Variants in ZBTB20 observed in about 807,000 individuals in gnomAD.
The protein encoded by ZBTB20 is zinc finger and BTB domain containing 20, also known as zinc finger and BTB domain-containing protein 20.
A neutral mutation model predicts 56.9 loss-of-function variants in ZBTB20; 9 were observed. The observed-to-expected ratio is 0.16, with a 90% CI of 0.10 to 0.28. ZBTB20 has a LOEUF of 0.28. Among genes scored for constraint, ZBTB20 ranks in the 10% least tolerant of loss-of-function variants. The probability of loss-of-function intolerance (pLI) is 1.00; values close to 1 mark genes in which losing one functional copy is unlikely to be tolerated. For missense variants in ZBTB20, 655 were observed against 1,003.0 expected, an observed-to-expected ratio of 0.65 and a Z score of 4.69; for synonymous variants, 417 against 420.7, an observed-to-expected ratio of 0.99 and a Z score of 0.11.
intron 7 of ZBTB20, among the ~76,000 whole-genome samples, chr3:114,469,010 C>CAAAAAAAAA (rs1164804884): frequency 4.2e-4 from 28 of 66,824 alleles, no homozygotes; most frequent in Non-Finnish European, 4.6e-4. Context: ...TCAAGAGAAG[C>CAAAAAAAAA]AAAAAAAAAA....
chr3:114,767,929 G>A (rs2068898468), intron 5 of ZBTB20, among the ~76,000 whole-genome samples: 1 of 152,032 alleles, frequency 6.6e-6, no homozygotes, highest in African/African-American at 2.4e-5. Flanking sequence ...AAGGGGTGGG[G>A]AGAAAGAAAA....
At chr3:114,501,772 G>A (rs2044017333) in intron 6 of ZBTB20, among the ~76,000 whole-genome samples, 1 of 139,644 alleles carries the variant, frequency 7.2e-6, no homozygotes, top group Admixed American at 7.3e-5. Context: ...GCAGTGGCAC[G>A]ATCTTGGCTC....
intron 2 of ZBTB20, among the ~76,000 whole-genome samples, chr3:115,014,428 T>C (rs930911826): frequency 2.0e-5 from 3 of 151,766 alleles, no homozygotes; most frequent in Admixed American, 2.0e-4. Flanking sequence ...TTGGATTGTT[T>C]GTACTACAAA....
intron 5 of ZBTB20, among the ~76,000 whole-genome samples, chr3:114,792,610 G>T (rs990152532): frequency 7.9e-5 from 12 of 152,086 alleles, no homozygotes; most frequent in African/African-American, 2.4e-5. Flanking sequence ...TAGAATACTT[G>T]TTCAAGTGTG....
At chr3:114,973,167 A>C (rs529428049) in intron 3 of ZBTB20, among the ~76,000 whole-genome samples, 1 of 152,344 alleles carries the variant, frequency 6.6e-6, no homozygotes, top group African/African-American at 2.4e-5. Flanking sequence ...TATGAGGTTT[A>C]AGAGTACATC....
chr3:114,629,871 C>G (rs570822194), intron 6 of ZBTB20, among the ~76,000 whole-genome samples: 31 of 152,200 alleles, frequency 2.0e-4, no homozygotes. Flanking sequence ...ATAAGAATAA[C>G]ATGGGCCAGG....
At chr3:114,443,081 C>T (rs941094677) in intron 7 of ZBTB20, among the ~76,000 whole-genome samples, 1 of 152,062 alleles carries the variant, frequency 6.6e-6, no homozygotes, top group Non-Finnish European at 1.5e-5. Context: ...AAGATGACAG[C>T]TAGCTATCAA....
intron 3 of ZBTB20, chr3:114,900,588 C>CTCTG (rs1283334021): frequency 6.6e-6 from 1 of 151,694 alleles, no homozygotes; most frequent in Non-Finnish European, 1.5e-5. Flanking sequence ...TAGCAAGGGA[C>CTCTG]TCTGACTCAC....
chr3:114,380,663 C>T, intron 9 of ZBTB20, 114 bp downstream of exon 9: 1 of 1,392,986 alleles, frequency 7.2e-7, no homozygotes, highest in Non-Finnish European at 9.4e-7. Flanking sequence ...AAGACCCTGT[C>T]CCAGAACTTT....
At chr3:114,783,679 G>A (rs2070280361) in intron 5 of ZBTB20, among the ~76,000 whole-genome samples, 1 of 151,696 alleles carries the variant, frequency 6.6e-6, no homozygotes, top group African/African-American at 2.4e-5. Flanking sequence ...TGTAATCCCA[G>A]CTACTCAGGA....
At chr3:115,013,129 A>G (rs1490677085) in intron 2 of ZBTB20, among the ~76,000 whole-genome samples, 3 of 151,718 alleles carry the variant, frequency 2.0e-5, no homozygotes, top group Non-Finnish European at 3.0e-5. Flanking sequence ...AACTTCAAAT[A>G]AACAACCCAG....
rs950019284 is a variant in ZBTB20 at position 114,322,663 on chromosome 3, T to A, written c.*16342A>T. ...GTCCTCTTAGTGATTACCCAATACT[T>A]ATTTCTAAGTACCTGTTAAAAGCTC... On this transcript the variant is annotated 3_prime_UTR_variant, in exon 12 of 12. Coordinates refer to ENST00000675478, the MANE Select transcript of ZBTB20 (RefSeq NM_001348800.3). 2 of 152,218 alleles carry A rather than the reference T, an allele frequency of 1.3e-5. No individual in the cohort carries two copies. The highest frequency in any genetic ancestry group is 4.1e-4 in the South Asian group (2 of 4,828). The allele number at this position is 152,218 out of a possible 1,614,324, so 9.4% of individuals were successfully genotyped here.
intron 6 of ZBTB20, among the ~76,000 whole-genome samples, chr3:114,690,595 G>A (rs2062641187): frequency 6.6e-6 from 1 of 152,080 alleles, no homozygotes; most frequent in African/African-American, 2.4e-5. Context: ...AATATTTTTA[G>A]AATAAACTAG....
chr3:115,029,072 T>TACAC (rs142153965), intron 2 of ZBTB20, among the ~76,000 whole-genome samples: 3 of 146,660 alleles, frequency 2.0e-5, no homozygotes, highest in Non-Finnish European at 3.1e-5. Flanking sequence ...CACACACACA[T>TACAC]ACACACACAC....
chr3:114,416,985 G>A (rs536894056), intron 7 of ZBTB20, among the ~76,000 whole-genome samples: 2 of 152,024 alleles, frequency 1.3e-5, no homozygotes, highest in South Asian at 4.1e-4. Context: ...GAACCAAATG[G>A]TGGTGGAAAA....
Position 115,078,613 on chromosome 3 carries a change from G to GTGTATATATATA in ZBTB20, c.-702-7200_-702-7199insTATATATATACA, listed in dbSNP as rs769630983. Among the ~76,000 whole-genome samples the GTGTATATATATA allele has an allele frequency of 6.3e-3, 866 of 137,708 alleles. 4 individuals are homozygous for GTGTATATATATA. Among genetic ancestry groups the GTGTATATATATA allele is most frequent in the South Asian group, 0.01 (42 of 4,180 alleles). The allele number at this position is 137,708 out of a possible 152,430, so 90.3% of individuals were successfully genotyped here. A position where few individuals can be genotyped will look rare whatever the true frequency, so the allele number is the denominator to read the frequency against. ...TAAGAATATGTGTGTGTGTGTGTGTGTATATATATATATATATATATATAT... is the reference window on the plus strand; with the variant it reads ...TAAGAATATGTGTGTGTGTGTGTGTGTGTATATATATATATATATATATATATATATATATAT... On this transcript the variant is annotated intron_variant, in intron 1 of 11. Transcript: ENST00000675478.
chr3:114,871,825 C>T (rs2076022911), intron 4 of ZBTB20, among the ~76,000 whole-genome samples: 4 of 152,008 alleles, frequency 2.6e-5, no homozygotes, highest in Admixed American at 2.6e-4. Context: ...CTCTCTATAC[C>T]ACAACTATAT....
intron 4 of ZBTB20, among the ~76,000 whole-genome samples, chr3:114,838,349 G>C (rs766808385): frequency 3.9e-5 from 6 of 152,152 alleles, no homozygotes; most frequent in African/African-American, 9.7e-5. Flanking sequence ...TTAAATATGA[G>C]ACTGTAACCA....
At chr3:115,122,400 C>G (rs781704533) in intron 1 of ZBTB20, among the ~76,000 whole-genome samples, 2 of 152,040 alleles carry the variant, frequency 1.3e-5, no homozygotes, top group Non-Finnish European at 2.9e-5. Context: ...CTCTTATCTT[C>G]CTTAGCAAAA....
Sources: allele counts gnomAD v4.1 joint callset (sites outside exome capture counted in the v4.1 genomes callset), GRCh38; gene constraint gnomAD v4.1.1; transcripts MANE v1.5; gene names NCBI Gene and HGNC (gene_info 2026-07-23, HGNC 2026-07-21).